ATAD1: variants seen among roughly 807,000 people sequenced by gnomAD.
ATAD1 encodes the protein ATPase family AAA domain containing 1, also known as outer mitochondrial transmembrane helix translocase.
A neutral mutation model predicts 42.7 loss-of-function variants in ATAD1; 18 were observed. The ratio of observed to expected loss-of-function variants is 0.42; its 90% confidence interval spans 0.29 to 0.63. The LOEUF (loss-of-function observed/expected upper bound fraction) is 0.63, where lower values mean the gene tolerates loss of function less well. ATAD1 is among the 20% of genes least tolerant of loss of function. ATAD1 has a pLI of 0.19. For synonymous variants in ATAD1, 132 were observed against 143.1 expected (o/e 0.92, Z 0.55); for missense variants, 294 against 440.4 (o/e 0.67, Z 2.98).
At chr10:87,798,311 G>A (rs777411221) in intron 2 of ATAD1, among the ~76,000 whole-genome samples, 5 of 152,174 alleles carry the variant, frequency 3.3e-5, no homozygotes, top group African/African-American at 4.8e-5. Flanking sequence ...AGAATGAGGA[G>A]AATGATCCCC....
At chr10:87,801,872 A>G (rs1046836690) in intron 2 of ATAD1, among the ~76,000 whole-genome samples, 1 of 152,240 alleles carries the variant, frequency 6.6e-6, no homozygotes, top group African/African-American at 2.4e-5. Flanking sequence ...CATGAATATC[A>G]AACAGAACAG....
intron 2 of ATAD1, among the ~76,000 whole-genome samples, chr10:87,801,071 GT>G (rs1352198025): frequency 6.6e-5 from 10 of 152,176 alleles, no homozygotes; most frequent in Non-Finnish European, 7.4e-5. Context: ...GCTTAAGGAA[GT>G]TATATCTTAT....
At chr10:87,832,784 G>A (rs1857856758) in intron 1 of ATAD1, 1 of 152,088 alleles carries the variant, frequency 6.6e-6, no homozygotes, top group Admixed American at 6.5e-5. Flanking sequence ...AAACTATAGT[G>A]TCATGGGTTG....
chr10:87,770,426 G>C (rs1854976344), intron 7 of ATAD1, among the ~76,000 whole-genome samples: 1 of 152,130 alleles, frequency 6.6e-6, no homozygotes, highest in Non-Finnish European at 1.5e-5. Context: ...AAAAATGCTA[G>C]AAAGAAGGCA....
Position 87,756,819 on chromosome 10 carries a change from C to G in ATAD1, c.935G>C (p.Arg312Thr). ...TTCTGATGTAGAATTAACATATTCTCTAACACAGAGGAGGGCAGCATCTCG... is the reference window on the plus strand; with the variant it reads ...TTCTGATGTAGAATTAACATATTCTGTAACACAGAGGAGGGCAGCATCTCG... ...MCRDAALLCVREYVNSTSEES... is the reference protein window; with the variant it reads ...MCRDAALLCVTEYVNSTSEES... The change falls in exon 9 of 10, where the codon AGA becomes ACA. Residue 312 changes from arginine (R) to threonine (T), a missense_variant. By Grantham distance (71) the Arg-to-Thr change is moderately conservative. Transcript: ENST00000680024. The G allele has an allele frequency of 6.2e-7, 1 of 1,611,058 alleles. No homozygotes were observed. Among genetic ancestry groups the G allele is most frequent in the Non-Finnish European group, 8.5e-7 (1 of 1,178,764 alleles).
chr10:87,781,952 TG>T (rs1266011862), intron 5 of ATAD1, among the ~76,000 whole-genome samples: 1 of 123,124 alleles, frequency 8.1e-6, no homozygotes, highest in African/African-American at 3.7e-5. Flanking sequence ...GCCTGAGAAT[TG>T]TTTTTTTTTT....
chr10:87,773,584 A>G (rs1055923946), intron 6 of ATAD1, among the ~76,000 whole-genome samples: 1 of 152,224 alleles, frequency 6.6e-6, no homozygotes, highest in Admixed American at 6.5e-5. Flanking sequence ...GCAGTTTAAT[A>G]AAAAGGCAGC....
intron 2 of ATAD1, among the ~76,000 whole-genome samples, chr10:87,808,839 A>ATGGGAATTCTAAATT (rs1857049322): frequency 6.6e-6 from 1 of 152,248 alleles, no homozygotes; most frequent in Non-Finnish European, 1.5e-5. Context: ...ATACCAATTT[A>ATGGGAATTCTAAATT]GAAGGGAGAG....
At chr10:87,789,058 A>G (rs1159218673) in intron 4 of ATAD1, among the ~76,000 whole-genome samples, 1 of 152,222 alleles carries the variant, frequency 6.6e-6, no homozygotes, top group Non-Finnish European at 1.5e-5. Flanking sequence ...AAAATTATGT[A>G]GTTCATAAAA....
chr10:87,832,522 C>A (rs1453083874), intron 1 of ATAD1, among the ~76,000 whole-genome samples: 1 of 151,500 alleles, frequency 6.6e-6, no homozygotes, highest in Non-Finnish European at 1.5e-5. Flanking sequence ...ATTAATCTAG[C>A]TTTATAGTAC....
intron 8 of ATAD1, 28 bp downstream of exon 8, chr10:87,767,645 G>A (rs374782944): frequency 8.2e-6 from 13 of 1,576,730 alleles, no homozygotes; most frequent in African/African-American, 4.1e-5. Context: ...TTTATAGGAC[G>A]GGGAAAAAAT....
chr10:87,815,132 T>C (rs1339376243), intron 1 of ATAD1, among the ~76,000 whole-genome samples: 3 of 152,112 alleles, frequency 2.0e-5, no homozygotes, highest in African/African-American at 7.2e-5. Context: ...AATTTAAACA[T>C]GCCATTTCCT....
intron 5 of ATAD1, among the ~76,000 whole-genome samples, chr10:87,779,305 T>C (rs890418950): frequency 1.5e-5 from 2 of 137,816 alleles, no homozygotes; most frequent in Non-Finnish European, 3.3e-5. Context: ...TCTCAAAAAA[T>C]ATATAAAATA....
chr10:87,759,628 C>T, intron 8 of ATAD1: 1 of 342,120 alleles, frequency 2.9e-6, no homozygotes, highest in Admixed American at 3.6e-5. Flanking sequence ...GATGAACCAA[C>T]CAAGTATAAG....
Position 87,755,738 on chromosome 10 carries a change from G to A in ATAD1, c.966-931C>T, listed in dbSNP as rs145059699. Among the ~76,000 whole-genome samples the A allele has an allele frequency of 6.3e-3, 950 of 151,988 alleles. 11 individuals carry two copies. Among genetic ancestry groups the A allele is most frequent in the South Asian group, 0.017 (82 of 4,798 alleles). ...AGCCTGGCCAACATGTCGAAATCCC[G>A]TCTCTACTAAAAATACAAAAATTAG... On this transcript the variant is annotated intron_variant, in intron 9 of 9. Coordinates refer to ENST00000680024, the MANE Select transcript of ATAD1 (RefSeq NM_001321967.2).
chr10:87,823,412 A>C (rs1857667590), intron 1 of ATAD1, among the ~76,000 whole-genome samples: 1 of 152,164 alleles, frequency 6.6e-6, no homozygotes, highest in Non-Finnish European at 1.5e-5. Flanking sequence ...TCTGTGAAAA[A>C]TCAGGATTGA....
At chr10:87,767,040 G>C (rs1854785565) in intron 8 of ATAD1, among the ~76,000 whole-genome samples, 1 of 151,922 alleles carries the variant, frequency 6.6e-6, no homozygotes, top group South Asian at 2.1e-4. Flanking sequence ...ATGCAATTAA[G>C]TAAAAAACAA....
At chr10:87,783,259 TA>T (rs1225424506) in intron 5 of ATAD1, among the ~76,000 whole-genome samples, 3 of 151,742 alleles carry the variant, frequency 2.0e-5, no homozygotes, top group African/African-American at 4.8e-5. Flanking sequence ...TGGTCCCAGC[TA>T]CTCAGGAGGC....
At chr10:87,803,672 G>A (rs900307694) in intron 2 of ATAD1, among the ~76,000 whole-genome samples, 3 of 152,186 alleles carry the variant, frequency 2.0e-5, no homozygotes, top group African/African-American at 7.2e-5. Context: ...AAACTGCTCT[G>A]AACACCCTGG....
Sources: gnomAD v4.1 joint callset for allele counts (sites outside exome capture counted in the v4.1 genomes callset) on GRCh38, gnomAD v4.1.1 for gene constraint, MANE v1.5 for transcripts, NCBI Gene and HGNC (gene_info 2026-07-23, HGNC 2026-07-21) for gene names.